Variants in RAPGEF4 observed in about 807,000 individuals in gnomAD.
The protein encoded by RAPGEF4 is RAP guanine-nucleotide-exchange factor (GEF) 4.
Under a neutral mutation model 147.9 loss-of-function variants are expected in RAPGEF4, and 66 were observed. That is an observed-to-expected ratio of 0.45 (90% CI 0.37 to 0.55). The LOEUF is 0.55. RAPGEF4 is among the 20% of genes least tolerant of loss of function. The probability of loss-of-function intolerance (pLI) is 0.00; values close to 1 mark genes in which losing one functional copy is unlikely to be tolerated. For synonymous variants in RAPGEF4, 419 were observed against 442.7 expected (o/e 0.95, Z 0.67); for missense variants, 1,071 against 1,257.3 (o/e 0.85, Z 2.24).
intron 4 of RAPGEF4, among the ~76,000 whole-genome samples, chr2:172,860,908 T>C (rs1693969694): frequency 6.6e-6 from 1 of 152,196 alleles, no homozygotes; most frequent in Non-Finnish European, 1.5e-5. Context: ...GTCAATTATT[T>C]AATTTAGCAT....
intron 30 of RAPGEF4, among the ~76,000 whole-genome samples, chr2:173,050,757 CAAAAAAAAA>C (rs34661805): frequency 8.3e-6 from 1 of 120,062 alleles, no homozygotes; most frequent in South Asian, 2.6e-4. Context: ...CATTTCTTAA[CAAAAAAAAA>C]AAAAAAAAAG....
chr2:172,851,031 G>A (rs1330875354), intron 4 of RAPGEF4, among the ~76,000 whole-genome samples: 2 of 152,136 alleles, frequency 1.3e-5, no homozygotes, highest in Admixed American at 1.3e-4. Flanking sequence ...AAGGTGTGGT[G>A]TTAGGTTGTT....
At chr2:172,755,550 C>T (rs1430649556) in intron 1 of RAPGEF4, among the ~76,000 whole-genome samples, 2 of 152,066 alleles carry the variant, frequency 1.3e-5, no homozygotes, top group African/African-American at 4.8e-5. Context: ...TGCACCACCA[C>T]GCCCAGCTAC....
chr2:172,917,667 C>A, intron 4 of RAPGEF4, 135 bp from the exon 5 acceptor site: 1 of 754,416 alleles, frequency 1.3e-6, no homozygotes, highest in Non-Finnish European at 2.3e-6. Flanking sequence ...CCCCGGAGAA[C>A]ACGTTTCATG....
At chr2:172,861,136 G>A (rs537130743) in intron 4 of RAPGEF4, among the ~76,000 whole-genome samples, 55 of 152,262 alleles carry the variant, frequency 3.6e-4, no homozygotes, top group African/African-American at 1.3e-3. Context: ...GGCTTAAAGC[G>A]CCTGCTGATT....
intron 1 of RAPGEF4, among the ~76,000 whole-genome samples, chr2:172,751,204 A>G (rs1695255179): frequency 6.6e-6 from 1 of 152,192 alleles, no homozygotes; most frequent in African/African-American, 2.4e-5. Flanking sequence ...TCCTACTGTC[A>G]TTCACTCATT....
intron 5 of RAPGEF4, among the ~76,000 whole-genome samples, chr2:172,919,995 A>C (rs1419128615): frequency 6.6e-6 from 1 of 152,148 alleles, no homozygotes. Context: ...ATTTTAGGGC[A>C]GAGATGAGTC....
At chr2:172,922,371 C>T (rs1684860639) in intron 6 of RAPGEF4, 71 bp downstream of exon 6, 3 of 1,410,450 alleles carry the variant, frequency 2.1e-6, no homozygotes, top group Admixed American at 1.7e-5. Context: ...GGTAACCCTA[C>T]CAACAAAGAG....
chr2:172,779,027 C>T (rs750175771), intron 1 of RAPGEF4, among the ~76,000 whole-genome samples: 2 of 151,996 alleles, frequency 1.3e-5, no homozygotes, highest in Non-Finnish European at 2.9e-5. Context: ...CTCTGAAGTG[C>T]CGTTAACTTT....
rs3835833 is a variant in RAPGEF4, at chr2:173,021,982, AT to A, written c.2253+1274del. On this transcript the variant is annotated intron_variant, in intron 23 of 30. Transcript: ENST00000397081. ...GAGTCTGCCTCCCGCCTTTCCGTAT[AT>A]TTTTTTAGTCATCTACATTCATTGC... is the stretch of plus-strand genomic sequence containing the variant. 2.0e-5 allele frequency among the ~76,000 whole-genome samples: 3 copies of A among 152,156 alleles called. No individual in the cohort carries two copies. The East Asian group carries it at 5.8e-4, about 29-fold the overall frequency.
intron 29 of RAPGEF4, among the ~76,000 whole-genome samples, chr2:173,045,347 C>G (rs1440839467): frequency 6.6e-6 from 1 of 152,230 alleles, no homozygotes; most frequent in East Asian, 1.9e-4. Context: ...TCATCTAGAT[C>G]AAGGAAAGAA....
chr2:172,821,874 A>G, intron 4 of RAPGEF4: 2 of 1,593,310 alleles, frequency 1.3e-6, no homozygotes, highest in Non-Finnish European at 1.7e-6. Context: ...ACAGGGAATG[A>G]ACGGCAATGA....
At chr2:172,888,313 C>A (rs1364429295) in intron 4 of RAPGEF4, among the ~76,000 whole-genome samples, 3 of 152,202 alleles carry the variant, frequency 2.0e-5, no homozygotes, top group Non-Finnish European at 4.4e-5. Flanking sequence ...GAGCCTTGAC[C>A]AAGAAGACGG....
At chr2:172,773,645 C>CA (rs1683861874) in intron 1 of RAPGEF4, among the ~76,000 whole-genome samples, 1 of 138,422 alleles carries the variant, frequency 7.2e-6, no homozygotes, top group African/African-American at 3.0e-5. Context: ...CCCCACACTG[C>CA]CCCCCCCGCG....
chr2:172,883,296 A>C (rs923299237), intron 4 of RAPGEF4, among the ~76,000 whole-genome samples: 1 of 152,190 alleles, frequency 6.6e-6, no homozygotes, highest in South Asian at 2.1e-4. Context: ...ATCTCATGGC[A>C]AAAGGCAGAA....
chr2:172,745,847 A>G (rs1436679514), intron 1 of RAPGEF4, among the ~76,000 whole-genome samples: 1 of 152,210 alleles, frequency 6.6e-6, no homozygotes, highest in Non-Finnish European at 1.5e-5. Flanking sequence ...GTGGTGAACA[A>G]TATCCTCAAC....
At chr2:172,867,751 A>C (rs3769286) in intron 4 of RAPGEF4, among the ~76,000 whole-genome samples, 15,218 of 152,276 alleles carry the variant, frequency 0.1, 778 homozygotes, top group South Asian at 0.15. Flanking sequence ...CATCCTGATT[A>C]AATAGGCACA....
intron 1 of RAPGEF4, among the ~76,000 whole-genome samples, chr2:172,783,890 G>A (rs1016512241): frequency 1.3e-5 from 2 of 151,870 alleles, no homozygotes; most frequent in East Asian, 1.9e-4. Flanking sequence ...CAAAGTTTTC[G>A]GATGAAATGA....
At position 173,016,409 on chromosome 2, in the gene RAPGEF4, C is replaced by A; in HGVS notation, c.1870C>A (p.Pro624Thr). 7 of 1,613,072 alleles carry A rather than the reference C, an allele frequency of 4.3e-6. No homozygotes were observed. The highest frequency in any genetic ancestry group is 1.1e-5 in the South Asian group (1 of 91,050). Residue 624 changes from proline (P) to threonine (T), a missense_variant, in exon 19 of 31, where the codon CCA becomes ACA. By Grantham distance (38) the Pro-to-Thr change is conservative (BLOSUM62 -1). Transcript: ENST00000397081. ...GATTGCTGCCCTCAAGGAGCAACTG[C>A]CAGAGTTGGAGAAGATTGTCAAGCA... ...RMIAALKEQL[P>T]ELEKIVKQIS...
Sources: allele counts gnomAD v4.1 joint callset (sites outside exome capture counted in the v4.1 genomes callset), GRCh38; gene constraint gnomAD v4.1.1; transcripts MANE v1.5; gene names NCBI Gene and HGNC (gene_info 2026-07-23, HGNC 2026-07-21).